Variants in ZNF506 observed in about 807,000 individuals in gnomAD.
ZNF506 encodes the protein zinc finger protein 506.
A neutral mutation model predicts 11.6 loss-of-function variants in ZNF506; 10 were observed. That is an observed-to-expected ratio of 0.86 (90% confidence interval 0.53 to 1.46). The LOEUF is 1.46. ZNF506 is among the 40% of genes most tolerant of loss of function. The pLI, the probability that ZNF506 is intolerant of heterozygous loss-of-function variation, is 0.00. For missense variants in ZNF506, 425 were observed against 521.2 expected (o/e 0.82, Z 1.80); for synonymous variants, 156 against 173.3 (o/e 0.90, Z 0.78).
chr19:19,795,606 G>A lies in ZNF506; in HGVS notation c.281C>T (p.Ser94Phe). 6.4e-7 allele frequency: 1 copy of A among 1,557,624 alleles called. No homozygotes were observed. Among genetic ancestry groups the A allele is most frequent in the Non-Finnish European group, 8.6e-7 (1 of 1,157,744 alleles). The change falls in exon 4 of 4, where the codon TCT becomes TTT. Residue 94 changes from serine to phenylalanine, a missense_variant. Ser to Phe is a radical substitution (Grantham distance 155, BLOSUM62 -2). Around this residue, in one of 3 missense-constraint regions of ZNF506, gnomAD observed 226 missense variants for 279.1 expected, o/e 0.81. Transcript: ENST00000540806. ...DLWSEQSIKD[S>F]FQKVILRRYE... ...TCTTCTTAGTATCACTTTTTGGAAA[G>A]AATCTTTTATGCTCTGCTCTGACCA...
At chr19:19,820,890 A>ACTCCCCC (rs2062963092) in intron 1 of ZNF506, among the ~76,000 whole-genome samples, 1 of 149,420 alleles carries the variant, frequency 6.7e-6, no homozygotes, top group Non-Finnish European at 1.5e-5. Flanking sequence ...TTTTGCGGTG[A>ACTCCCCC]CTCCCCCCTC....
chr19:19,805,204 GATAAA>G (rs1202437335), intron 3 of ZNF506, among the ~76,000 whole-genome samples: 3 of 151,506 alleles, frequency 2.0e-5, no homozygotes, highest in African/African-American at 4.9e-5. Context: ...TTAACTATCT[GATAAA>G]ATAAAGAAAA....
intron 3 of ZNF506, 189 bp from the exon 4 acceptor site, chr19:19,795,849 T>A: frequency 1.6e-6 from 1 of 607,642 alleles, no homozygotes; most frequent in South Asian, 2.4e-5. Flanking sequence ...TTGTAAAAAA[T>A]TTATAAATTA....
chr19:19,804,069 G>T (rs886744959), intron 3 of ZNF506, among the ~76,000 whole-genome samples: 1 of 152,092 alleles, frequency 6.6e-6, no homozygotes, highest in Non-Finnish European at 1.5e-5. Context: ...AGCAACAAAA[G>T]CCAAAATAGA....
intron 1 of ZNF506, among the ~76,000 whole-genome samples, chr19:19,814,561 C>T (rs1463202616): frequency 2.0e-5 from 3 of 151,982 alleles, no homozygotes; most frequent in African/African-American, 7.3e-5. Flanking sequence ...GATGGAAGGA[C>T]TAAGAGGTTC....
chr19:19,803,690 A>T (rs974706294), intron 3 of ZNF506, among the ~76,000 whole-genome samples: 2 of 150,202 alleles, frequency 1.3e-5, no homozygotes, highest in Admixed American at 1.3e-4. Context: ...CATCACACTA[A>T]GGGCCCAATA....
rs571321380 is a variant in ZNF506, at chr19:19,796,095, A to C, written c.227-435T>G. 1.5e-5 allele frequency: 3 copies of C among 194,666 alleles called. No individual in the cohort carries two copies. The South Asian group carries it at 2.7e-4, about 18-fold the overall frequency. 12.1% of individuals were successfully genotyped at this position (194,666 alleles called of 1,614,324 possible). A position where few individuals can be genotyped will look rare whatever the true frequency, so the allele number is the denominator to read the frequency against. ...TCAACAGTTCAAGACCAGCCTGGCA[A>C]AGATGGTGAAACCCCGTCTCTACAA... On this transcript the variant is annotated intron_variant, in intron 3 of 3. Transcript: ENST00000540806.
intron 1 of ZNF506, among the ~76,000 whole-genome samples, chr19:19,815,967 C>A (rs1400419606): frequency 1.3e-5 from 2 of 152,108 alleles, no homozygotes; most frequent in African/African-American, 4.8e-5. Flanking sequence ...CATAGATAAT[C>A]CTGGAAAATT....
chr19:19,795,331 A>C lies in ZNF506; in HGVS notation c.556T>G (p.Ser186Ala), dbSNP rs1219162520. ...IEYGKTFNQSSTRTTYKKIDA... is the reference protein window; with the variant it reads ...IEYGKTFNQSATRTTYKKIDA... ...ATTTTCTTATATGTAGTACGGGTTG[A>C]AGACTGGTTAAAAGTTTTCCCATAT... The change falls in exon 4 of 4, where the codon TCA becomes GCA. Residue 186 changes from serine (S) to alanine (A), a missense_variant. Transcript: ENST00000540806. 1.9e-6 allele frequency: 3 copies of C among 1,613,676 alleles called. No homozygotes were observed. Among genetic ancestry groups the C allele is most frequent in the Non-Finnish European group, 2.5e-6 (3 of 1,179,842 alleles).
In ZNF506 at chr19:19,792,868, AC is replaced by A. The variant is rs1403833018; in HGVS notation, c.*1683del. On this transcript the variant is annotated 3_prime_UTR_variant, in exon 4 of 4. Coordinates refer to ENST00000540806, the MANE Select transcript of ZNF506 (RefSeq NM_001099269.3). ...ATAGGCTAGGATTATACAAATGAGA[AC>A]CCCCACCTTATACATTACTTAATAT... 6.6e-6 allele frequency among the ~76,000 whole-genome samples: 1 copy of A among 152,018 alleles called. No individual in the cohort carries two copies. The highest frequency in any genetic ancestry group is 1.5e-5 in the Non-Finnish European group (1 of 67,990).
At chr19:19,816,474 C>G (rs2145206244) in intron 1 of ZNF506, among the ~76,000 whole-genome samples, 2 of 152,356 alleles carry the variant, frequency 1.3e-5, no homozygotes, top group Middle Eastern at 6.8e-3. Flanking sequence ...TCTCCTGCCT[C>G]AGCCTCCCCA....
intron 3 of ZNF506, 115 bp downstream of exon 3, chr19:19,805,916 G>T: frequency 1.1e-6 from 1 of 903,984 alleles, no homozygotes. Context: ...AGCTGCCCAG[G>T]AACTATTTCC....
intron 1 of ZNF506, among the ~76,000 whole-genome samples, chr19:19,818,661 TA>T (rs1484243024): frequency 5.3e-5 from 8 of 152,212 alleles, no homozygotes; most frequent in African/African-American, 1.9e-4. Context: ...GCTTTGTAAA[TA>T]TTTTTTTACC....
chr19:19,811,497 A>T (rs1266414189), intron 1 of ZNF506, among the ~76,000 whole-genome samples: 1 of 152,158 alleles, frequency 6.6e-6, no homozygotes, highest in Non-Finnish European at 1.5e-5. Flanking sequence ...ACGTACACTT[A>T]AAGAAAAAGA....
chr19:19,813,926 C>T lies in ZNF506; in HGVS notation c.4-6858G>A, dbSNP rs115496740. Among the ~76,000 whole-genome samples the T allele has an allele frequency of 7.1e-3, 1,075 of 151,996 alleles. 19 individuals carry two copies. Among genetic ancestry groups the T allele is most frequent in the African/African-American group, 0.024 (1,012 of 41,444 alleles). ...CTGGGAAGTTGAGGCTAAAGTAATC[C>T]AATATCATGCCATGGCACTTTAGTC... is the stretch of plus-strand genomic sequence containing the variant. On this transcript the variant is annotated intron_variant, in intron 1 of 3. Coordinates refer to ENST00000540806, the MANE Select transcript of ZNF506 (RefSeq NM_001099269.3).
intron 1 of ZNF506, chr19:19,820,737 T>C (rs2062962198): frequency 6.6e-6 from 1 of 152,226 alleles, no homozygotes; most frequent in South Asian, 2.1e-4. Flanking sequence ...TAACTATACC[T>C]AATCAATTAT....
chr19:19,804,817 G>C (rs2062823073), intron 3 of ZNF506, among the ~76,000 whole-genome samples: 1 of 152,058 alleles, frequency 6.6e-6, no homozygotes, highest in Non-Finnish European at 1.5e-5. Context: ...ATCATTCTGA[G>C]CAAACTATCA....
intron 1 of ZNF506, among the ~76,000 whole-genome samples, chr19:19,817,530 A>G (rs2062943004): frequency 6.6e-6 from 1 of 151,720 alleles, no homozygotes. Flanking sequence ...CTTAACCTCA[A>G]CTGCATCTGC....
intron 1 of ZNF506, among the ~76,000 whole-genome samples, chr19:19,809,878 C>T (rs2062870761): frequency 6.6e-6 from 1 of 152,144 alleles, no homozygotes; most frequent in East Asian, 1.9e-4. Context: ...TGATTCTGGC[C>T]TCACCTTAGA....
Sources: allele counts gnomAD v4.1 joint callset (sites outside exome capture counted in the v4.1 genomes callset), GRCh38; gene constraint gnomAD v4.1.1; regional missense constraint gnomAD v4.1.1; transcripts MANE v1.5; gene names NCBI Gene and HGNC (gene_info 2026-07-23, HGNC 2026-07-21).